The following MECOM variants were observed in gnomAD, a reference collection of about 807,000 sequenced individuals.
MECOM encodes MDS1 and EVI1 complex locus, also known as histone-lysine N-methyltransferase MECOM.
MECOM carries 13 observed loss-of-function variants against 116.3 expected under a neutral mutation model. That is an observed-to-expected ratio of 0.11 (90% confidence interval 0.07 to 0.18). MECOM has a LOEUF of 0.18. Ranked by LOEUF, MECOM falls within the 10% of genes least tolerant of loss-of-function variation. MECOM has a pLI of 1.00. For missense variants in MECOM, 1,299 were observed against 1,509.0 expected, an observed-to-expected ratio of 0.86 and a Z score of 2.31; for synonymous variants, 528 against 535.2, an observed-to-expected ratio of 0.99 and a Z score of 0.19.
At chr3:169,104,482 A>C (rs1249173762) in intron 10 of MECOM, among the ~76,000 whole-genome samples, 4 of 152,196 alleles carry the variant, frequency 2.6e-5, no homozygotes, top group African/African-American at 9.6e-5. Flanking sequence ...ACTAACAAGC[A>C]TGGGTAAGGG....
At chr3:169,239,936 A>G (rs1577437006) in intron 2 of MECOM, among the ~76,000 whole-genome samples, 1 of 152,220 alleles carries the variant, frequency 6.6e-6, no homozygotes, top group Non-Finnish European at 1.5e-5. Context: ...TTTTACTACA[A>G]GAATTCAACT....
chr3:169,223,749 A>G (rs1346325442), intron 2 of MECOM, among the ~76,000 whole-genome samples: 1 of 152,108 alleles, frequency 6.6e-6, no homozygotes, highest in Non-Finnish European at 1.5e-5. Context: ...ATATCCAACC[A>G]CTTGATTTAA....
intron 1 of MECOM, among the ~76,000 whole-genome samples, chr3:169,522,692 GGTAACA>G (rs1273633878): frequency 6.6e-6 from 1 of 152,154 alleles, no homozygotes; most frequent in Non-Finnish European, 1.5e-5. Flanking sequence ...AACAATGTAA[GGTAACA>G]GTATAAGGAA....
At chr3:169,243,218 C>T (rs977477444) in intron 2 of MECOM, among the ~76,000 whole-genome samples, 1 of 152,114 alleles carries the variant, frequency 6.6e-6, no homozygotes, top group African/African-American at 2.4e-5. Flanking sequence ...TCTTGACAGC[C>T]ACTATAAAGT....
chr3:169,408,858 TA>T (rs148811001), intron 1 of MECOM, among the ~76,000 whole-genome samples: 4,437 of 148,112 alleles, frequency 0.03, 214 homozygotes, highest in African/African-American at 0.1. Flanking sequence ...TTGTGACAAT[TA>T]AAAAAAAAAC....
chr3:169,403,017 G>GA (rs1196901726), intron 1 of MECOM, among the ~76,000 whole-genome samples: 1 of 152,106 alleles, frequency 6.6e-6, no homozygotes, highest in Non-Finnish European at 1.5e-5. Flanking sequence ...AACTTTGAGA[G>GA]AAAAAAAGTG....
At chr3:169,462,012 C>T (rs1460827930) in intron 1 of MECOM, among the ~76,000 whole-genome samples, 2 of 152,248 alleles carry the variant, frequency 1.3e-5, no homozygotes, top group South Asian at 2.1e-4. Flanking sequence ...AATTCACTAT[C>T]CAAATATTCG....
intron 1 of MECOM, among the ~76,000 whole-genome samples, chr3:169,606,791 C>T (rs533093884): frequency 2.5e-4 from 38 of 152,246 alleles, no homozygotes; most frequent in Middle Eastern, 3.4e-3. Flanking sequence ...TTCCCACCTG[C>T]AGGAAGGGAG....
At chr3:169,353,986 C>CA (rs1472442545) in intron 2 of MECOM, among the ~76,000 whole-genome samples, 3 of 151,848 alleles carry the variant, frequency 2.0e-5, no homozygotes, top group Non-Finnish European at 4.4e-5. Flanking sequence ...TCAGTCCCTC[C>CA]ATAGCTAACC....
At chr3:169,149,935 CTGTGTGTGTG>C (rs58944452) in intron 2 of MECOM, among the ~76,000 whole-genome samples, 4,567 of 131,208 alleles carry the variant, frequency 0.035, 106 homozygotes, top group South Asian at 0.11. Flanking sequence ...TTCTCTCTCT[CTGTGTGTGTG>C]TGTGTGTGTG....
intron 1 of MECOM, among the ~76,000 whole-genome samples, chr3:169,554,508 G>A (rs1000547924): frequency 4.6e-5 from 7 of 152,102 alleles, no homozygotes; most frequent in South Asian, 4.1e-4. Flanking sequence ...TACTTTCAGC[G>A]TAAAATACAG....
chr3:169,484,016 C>T, intron 1 of MECOM: 2 of 1,563,864 alleles, frequency 1.3e-6, no homozygotes, highest in Middle Eastern at 2.3e-4. Context: ...CTTTTTTTTG[C>T]CCCCAAAACC....
At chr3:169,525,291 A>G (rs540585837) in intron 1 of MECOM, among the ~76,000 whole-genome samples, 3 of 152,366 alleles carry the variant, frequency 2.0e-5, no homozygotes, top group South Asian at 4.1e-4. Flanking sequence ...ATAAAAAAGT[A>G]TATAGTATTA....
rs79300191 is a variant in MECOM at position 169,138,698 on chromosome 3, A to C, written c.510+5000T>G. ...ATGTGGACAGATACCCTTGTAAAGG[A>C]AGAGCAAATTAACAAATTACCTGAC... On this transcript the variant is annotated intron_variant, in intron 3 of 16. Transcript: ENST00000651503. 2.6e-4 allele frequency among the ~76,000 whole-genome samples: 40 copies of C among 152,314 alleles called. No individual in the cohort carries two copies. In the East Asian group the frequency reaches 7.7e-3, roughly 29 times the overall value.
At chr3:169,397,143 T>C (rs1344758604) in intron 1 of MECOM, among the ~76,000 whole-genome samples, 5 of 152,216 alleles carry the variant, frequency 3.3e-5, no homozygotes, top group Non-Finnish European at 7.3e-5. Context: ...TGGTTCATGA[T>C]CAATTCATTC....
rs531978364 is a variant in MECOM at position 169,584,379 on chromosome 3, C to A, written c.37+78957G>T. Among the ~76,000 whole-genome samples, 13 of 151,254 alleles carry A rather than the reference C, an allele frequency of 8.6e-5. No homozygotes were observed. In the South Asian group the frequency reaches 2.1e-3, roughly 24 times the overall value. On this transcript the variant is annotated intron_variant, in intron 1 of 16. Transcript: ENST00000651503. ...TGGAGATAGAGACCATCTTGGCTAA[C>A]ACGGTGAAACCCCGTCTCTACTAAA...
intron 4 of MECOM, 61 bp downstream of exon 4, chr3:169,131,368 C>A: frequency 2.2e-6 from 3 of 1,368,220 alleles, no homozygotes; most frequent in South Asian, 2.3e-5. Context: ...TGGATGCTTT[C>A]GATGCTACTT....
rs1254404187 is a variant in MECOM at position 169,265,450 on chromosome 3, T to C, written c.375+115737A>G. 2.0e-5 allele frequency among the ~76,000 whole-genome samples: 3 copies of C among 152,364 alleles called. No individual in the cohort carries two copies. The East Asian group carries it at 5.8e-4, about 29-fold the overall frequency. ...TTTGCTAAAGTATGTACTGCGATTA[T>C]TGTCTCTAATTTGTAGTTCTAAATA... is the stretch of plus-strand genomic sequence containing the variant. On this transcript the variant is annotated intron_variant, in intron 2 of 16. Transcript: ENST00000651503.
intron 1 of MECOM, among the ~76,000 whole-genome samples, chr3:169,406,636 C>G (rs550178272): frequency 6.6e-6 from 1 of 152,246 alleles, no homozygotes; most frequent in East Asian, 1.9e-4. Context: ...GACTGACACT[C>G]TCTTACGCAT....
Sources: gnomAD v4.1 joint callset for allele counts (sites outside exome capture counted in the v4.1 genomes callset) on GRCh38, gnomAD v4.1.1 for gene constraint, MANE v1.5 for transcripts, NCBI Gene and HGNC (gene_info 2026-07-23, HGNC 2026-07-21) for gene names.